HMGXB3: variants seen among roughly 807,000 people sequenced by gnomAD.
HMGXB3 encodes HMG domain-containing protein 3.
HMGXB3 carries 45 observed loss-of-function variants against 121.5 expected under a neutral mutation model. That is an observed-to-expected ratio of 0.37 (90% confidence interval 0.29 to 0.47). The LOEUF (loss-of-function observed/expected upper bound fraction) is 0.47. Among genes scored for constraint, HMGXB3 ranks in the 20% least tolerant of loss-of-function variants. HMGXB3 has a pLI of 0.99. For synonymous variants in HMGXB3, 590 were observed against 624.1 expected (o/e 0.95, Z 0.81); for missense variants, 1,376 against 1,602.2 (o/e 0.86, Z 2.41).
chr5:150,019,577 A>C (rs550064739), intron 6 of HMGXB3, among the ~76,000 whole-genome samples: 1 of 152,350 alleles, frequency 6.6e-6, no homozygotes, highest in South Asian at 2.1e-4. Context: ...TGGAAGAGGC[A>C]GTAAATTCTC....
At chr5:150,031,191 C>T (rs1165648831) in intron 10 of HMGXB3, among the ~76,000 whole-genome samples, 1 of 152,204 alleles carries the variant, frequency 6.6e-6, no homozygotes, top group Non-Finnish European at 1.5e-5. Flanking sequence ...ATTTAGGCAA[C>T]GTTGCCTTTT....
In HMGXB3 at chr5:150,048,675, G is replaced by GC; in HGVS notation, c.3196dup (p.His1066ProfsTer14). ...ACAGGTGGTAAAATCTACAAGGTGT[G>GC]CCCCCATCAGGTAAGAAAATAACTA... On this transcript the variant is annotated frameshift_variant, in exon 18 of 20. Transcript: ENST00000502717. LOFTEE classifies it high-confidence loss of function. The GC allele has an allele frequency of 6.5e-7, 1 of 1,546,964 alleles. No homozygotes were observed. Among genetic ancestry groups the GC allele is most frequent in the Non-Finnish European group, 8.8e-7 (1 of 1,142,598 alleles).
chr5:150,048,639 C>T lies in HMGXB3; in HGVS notation c.3155C>T (p.Pro1052Leu). 1 of 1,551,886 alleles carries T rather than the reference C, an allele frequency of 6.4e-7. No individual in the cohort carries two copies. The highest frequency in any genetic ancestry group is 1.4e-5 in the African/African-American group (1 of 73,168). The change falls in exon 18 of 20, where the codon CCA becomes CTA. Residue 1052 changes from proline to leucine, a missense_variant. By Grantham distance (98) the Pro-to-Leu change is moderately conservative (BLOSUM62 -3). Around this residue, in one of 2 missense-constraint regions of HMGXB3, gnomAD observed 1,116 missense variants for 1,369.0 expected, o/e 0.82. Transcript: ENST00000502717. ...VQNGARAIRP[P>L]RHFTGGKIYK... is the part of the protein sequence containing the mutation. Reference sequence around the variant, plus strand: ...AATGGAGCTAGAGCTATACGGCCCCCACGTCACTTCACAGGTGGTAAAATC... The same window carrying T: ...AATGGAGCTAGAGCTATACGGCCCCTACGTCACTTCACAGGTGGTAAAATC...
chr5:150,010,731 C>T (rs1755811388), intron 4 of HMGXB3, 123 bp downstream of exon 4: 2 of 936,000 alleles, frequency 2.1e-6, no homozygotes, highest in Non-Finnish European at 3.1e-6. Context: ...CTTACTGATA[C>T]TGCAGTTCTC....
chr5:150,017,089 C>G (rs1456820785), intron 5 of HMGXB3, among the ~76,000 whole-genome samples: 1 of 152,164 alleles, frequency 6.6e-6, no homozygotes, highest in East Asian at 1.9e-4. Flanking sequence ...CTTTCATGCT[C>G]TAATAAATGT....
At chr5:150,001,889 C>G (rs1443167460) in intron 1 of HMGXB3, among the ~76,000 whole-genome samples, 2 of 152,128 alleles carry the variant, frequency 1.3e-5, no homozygotes, top group Non-Finnish European at 2.9e-5. Context: ...AGTTACTGCC[C>G]TTCTCCACAA....
intron 19 of HMGXB3, among the ~76,000 whole-genome samples, chr5:150,050,803 C>G (rs1756871988): frequency 6.6e-6 from 1 of 152,168 alleles, no homozygotes; most frequent in East Asian, 1.9e-4. Flanking sequence ...TTTTACTGAC[C>G]AAGCCCTCTG....
At chr5:150,038,740 C>T (rs761873217) in intron 13 of HMGXB3, among the ~76,000 whole-genome samples, 29 of 152,280 alleles carry the variant, frequency 1.9e-4, no homozygotes, top group South Asian at 6.2e-4. Flanking sequence ...GTAAGTTAAT[C>T]CTTTGAGAGT....
Position 150,052,364 on chromosome 5 carries a change from C to T in HMGXB3, c.*172C>T. The T allele has an allele frequency of 4.9e-6, 3 of 613,762 alleles. No homozygotes were observed. Among genetic ancestry groups the T allele is most frequent in the Non-Finnish European group, 8.6e-6 (3 of 350,502 alleles). 38.0% of individuals were successfully genotyped at this position (613,762 alleles called of 1,614,324 possible). A position where few individuals can be genotyped will look rare whatever the true frequency, so the allele number is the denominator to read the frequency against. On this transcript the variant is annotated 3_prime_UTR_variant, in exon 20 of 20. Transcript: ENST00000502717. Reference sequence around the variant, plus strand: ...TGAGCATGGTGGGACCCAGGGTCCTCAGTTCTCAACCCTCCAGGGGTCAGG... The same window carrying T: ...TGAGCATGGTGGGACCCAGGGTCCTTAGTTCTCAACCCTCCAGGGGTCAGG...
rs757640935 is a variant in HMGXB3, at chr5:150,010,615, G to A, written c.810+7G>A. On this transcript the variant is annotated splice_region_variant and intron_variant, in intron 4 of 19. Coordinates refer to ENST00000502717, the MANE Select transcript of HMGXB3 (RefSeq NM_014983.3). ...AGTGGTAACAGTCATGAGGGTAAGT[G>A]GCTTTGGTACTGAAGTCTTTGGCTT... 96 of 1,547,176 alleles carry A rather than the reference G, an allele frequency of 6.2e-5. No homozygotes were observed. Among genetic ancestry groups the A allele is most frequent in the Middle Eastern group, 1.7e-4 (1 of 5,966 alleles).
chr5:150,038,305 C>A (rs1171006147), intron 13 of HMGXB3, among the ~76,000 whole-genome samples: 1 of 152,100 alleles, frequency 6.6e-6, no homozygotes, highest in Non-Finnish European at 1.5e-5. Flanking sequence ...CTTAATGGTG[C>A]TTTATTTTGA....
At chr5:150,045,100 C>T (rs1312092465) in intron 15 of HMGXB3, among the ~76,000 whole-genome samples, 3 of 152,216 alleles carry the variant, frequency 2.0e-5, no homozygotes, top group Admixed American at 6.5e-5. Context: ...GAATACTCAC[C>T]TCAGCCATCC....
At position 150,052,113 on chromosome 5, in the gene HMGXB3, A is replaced by G. The variant is rs752683356; in HGVS notation, c.3800A>G (p.Tyr1267Cys). Residue 1267 changes from tyrosine to cysteine, a missense_variant, in exon 20 of 20, where the codon TAC becomes TGC. By Grantham distance (194) the Tyr-to-Cys change is radical. Around this residue, in one of 2 missense-constraint regions of HMGXB3, gnomAD observed 260 missense variants for 233.2 expected, o/e 1.11. Transcript: ENST00000502717. ...PGEVVIRDTLYRLGVAQIKTE... is the reference protein window; with the variant it reads ...PGEVVIRDTLCRLGVAQIKTE... ...GAGGTGGTCATTCGTGACACCCTCT[A>G]CCGCCTTGGGGTTGCTCAGATCAAG... 4.5e-6 allele frequency: 7 copies of G among 1,551,520 alleles called. No individual in the cohort carries two copies. The African/African-American group carries it at 5.5e-5, about 12-fold the overall frequency.
chr5:150,002,777 A>T lies in HMGXB3; in HGVS notation c.-3+1598A>T, dbSNP rs566954817. On this transcript the variant is annotated intron_variant, in intron 1 of 19. Coordinates refer to ENST00000502717, the MANE Select transcript of HMGXB3 (RefSeq NM_014983.3). ...TTTTTAGCCCAGCACCAGAGAGCTG[A>T]TGTTGGTTGGTCAGATGACTGTTTA... Among the ~76,000 whole-genome samples, 3 of 151,724 alleles carry T rather than the reference A, an allele frequency of 2.0e-5. No individual in the cohort carries two copies. In the East Asian group the frequency reaches 5.8e-4, roughly 29 times the overall value.
At chr5:150,009,012 T>C (rs1376982564) in intron 3 of HMGXB3, among the ~76,000 whole-genome samples, 4 of 152,258 alleles carry the variant, frequency 2.6e-5, no homozygotes. Flanking sequence ...TTGACTTTAG[T>C]GTTCATTTTA....
Position 150,036,568 on chromosome 5 carries a change from T to C in HMGXB3, c.1984-68T>C, listed in dbSNP as rs892464716. On this transcript the variant is annotated intron_variant, in intron 11 of 19. Coordinates refer to ENST00000502717, the MANE Select transcript of HMGXB3 (RefSeq NM_014983.3). ...CATCTGTCTGCTGCTCCCAGACTTT[T>C]ATTATTTTAGCCTGAAGCTGGCTCT... 6 of 1,397,348 alleles carry C rather than the reference T, an allele frequency of 4.3e-6. No homozygotes were observed. The Admixed American group carries it at 1.1e-4, about 26-fold the overall frequency. The allele number at this position is 1,397,348 out of a possible 1,614,324, so 86.6% of individuals were successfully genotyped here. A position where few individuals can be genotyped will look rare whatever the true frequency, so the allele number is the denominator to read the frequency against.
At chr5:150,025,475 A>ATG (rs1195693694) in intron 7 of HMGXB3, among the ~76,000 whole-genome samples, 55 of 150,192 alleles carry the variant, frequency 3.7e-4, no homozygotes, top group African/African-American at 1.3e-3. Context: ...GCAAATATGT[A>ATG]TGTGTGTGTG....
chr5:150,010,533 A>C lies in HMGXB3; in HGVS notation c.735A>C (p.Pro245=). 1 of 1,551,602 alleles carries C rather than the reference A, an allele frequency of 6.4e-7. No homozygotes were observed. The highest frequency in any genetic ancestry group is 8.7e-7 in the Non-Finnish European group (1 of 1,147,002). ...VIEETLVNGS[P]DLPTGSLAVP... The stretch of plus-strand genomic sequence containing the variant: ...AAGAGACCTTGGTGAATGGCTCACC[A>C]GACCTCCCCACTGGAAGCCTGGCTG... Residue 245 remains proline (P), a synonymous_variant, in exon 4 of 20, where the codon CCA becomes CCC. Transcript: ENST00000502717.
rs1199833202 is a variant in HMGXB3, at chr5:150,041,943, A to G, written c.2704A>G (p.Asn902Asp). ...GGAAATGGCTCAGAGGAGTGAAGAG[A>G]ATGTGCTAGCACTGAAGAGCGTGGA... ...KVEMAQRSEENVLALKSVEFT... is the reference protein window; with the variant it reads ...KVEMAQRSEEDVLALKSVEFT... The change falls in exon 15 of 20, where the codon AAT becomes GAT. Residue 902 changes from asparagine (N) to aspartate (D), a missense_variant. This residue lies in a region of HMGXB3 where 1,116 missense variants were observed against 1,369.0 expected (regional missense o/e 0.82). Coordinates refer to ENST00000502717, the MANE Select transcript of HMGXB3 (RefSeq NM_014983.3). The G allele has an allele frequency of 1.9e-5, 30 of 1,551,476 alleles. No individual in the cohort carries two copies. The highest frequency in any genetic ancestry group is 2.6e-5 in the Non-Finnish European group (30 of 1,146,930).
Sources: allele counts gnomAD v4.1 joint callset (sites outside exome capture counted in the v4.1 genomes callset), GRCh38; gene constraint gnomAD v4.1.1; regional missense constraint gnomAD v4.1.1; transcripts MANE v1.5; gene names NCBI Gene and HGNC (gene_info 2026-07-23, HGNC 2026-07-21).